GBE1: variants seen among roughly 807,000 people sequenced by gnomAD.
GBE1 encodes the protein 1,4-alpha-glucan branching enzyme 1, also known as 1,4-alpha-glucan-branching enzyme.
Under a neutral mutation model 88.8 loss-of-function variants are expected in GBE1, and 70 were observed. That is an observed-to-expected ratio of 0.79 (90% confidence interval 0.65 to 0.96). The LOEUF (loss-of-function observed/expected upper bound fraction) is 0.96, where lower values mean the gene tolerates loss of function less well. GBE1 is among the 40% of genes least tolerant of loss of function. The pLI is 0.00. For missense variants in GBE1, 872 were observed against 871.0 expected (o/e 1.00, Z -0.01); for synonymous variants, 284 against 300.1 (o/e 0.95, Z 0.56).
intron 14 of GBE1, among the ~76,000 whole-genome samples, chr3:81,512,292 C>T (rs1193314686): frequency 2.0e-5 from 3 of 151,828 alleles, no homozygotes; most frequent in African/African-American, 4.8e-5. Flanking sequence ...CAAAACTTCG[C>T]AACACACAAA....
At chr3:81,747,168 T>C (rs1706428980) in intron 1 of GBE1, among the ~76,000 whole-genome samples, 1 of 152,128 alleles carries the variant, frequency 6.6e-6, no homozygotes, top group African/African-American at 2.4e-5. Flanking sequence ...GTTCAGGTCC[T>C]AGAGCTAGGA....
At chr3:81,541,314 C>T (rs955693439) in intron 12 of GBE1, among the ~76,000 whole-genome samples, 12 of 151,612 alleles carry the variant, frequency 7.9e-5, no homozygotes, top group South Asian at 4.2e-4. Context: ...ACCCACCCCA[C>T]GATACAGCCT....
intron 2 of GBE1, 59 bp downstream of exon 2, chr3:81,705,385 A>G: frequency 1.7e-6 from 2 of 1,154,756 alleles, no homozygotes; most frequent in Admixed American, 3.3e-5. Context: ...TATAAGAAAT[A>G]TATGTATTAA....
chr3:81,571,383 G>C (rs1703572754), intron 12 of GBE1, among the ~76,000 whole-genome samples: 1 of 152,118 alleles, frequency 6.6e-6, no homozygotes, highest in Admixed American at 6.5e-5. Context: ...ATGTCATGGG[G>C]AATATGTTTT....
At chr3:81,655,370 T>C (rs1289821286) in intron 3 of GBE1, among the ~76,000 whole-genome samples, 1 of 152,050 alleles carries the variant, frequency 6.6e-6, no homozygotes, top group Non-Finnish European at 1.5e-5. Context: ...AAGTAATTTG[T>C]AGAAGAGGGT....
chr3:81,648,719 G>A (rs1704803077), intron 5 of GBE1, 137 bp downstream of exon 5: 4 of 465,798 alleles, frequency 8.6e-6, no homozygotes, highest in Non-Finnish European at 1.1e-5. Context: ...GGCAATTTGA[G>A]AAGCCTAAAA....
At chr3:81,674,410 A>T (rs1427366928) in intron 2 of GBE1, among the ~76,000 whole-genome samples, 1 of 151,960 alleles carries the variant, frequency 6.6e-6, no homozygotes. Context: ...AACATTAAAC[A>T]CTTAGCTAAG....
rs78920535 is a variant in GBE1 at position 81,608,325 on chromosome 3, C to T, written c.993-14302G>A. On this transcript the variant is annotated intron_variant, in intron 7 of 15. Coordinates refer to ENST00000429644, the MANE Select transcript of GBE1 (RefSeq NM_000158.4). ...GGGAGGCACCATCTAGTTAAATCCA[C>T]GGTGCTTCTTCCATTGAAAACCCTT... Among the ~76,000 whole-genome samples, 906 of 152,246 alleles carry T rather than the reference C, an allele frequency of 6.0e-3. 6 individuals are homozygous for T. Among genetic ancestry groups the T allele is most frequent in the African/African-American group, 0.017 (711 of 41,570 alleles).
intron 2 of GBE1, among the ~76,000 whole-genome samples, chr3:81,703,638 T>A (rs1705733116): frequency 6.6e-6 from 1 of 152,034 alleles, no homozygotes; most frequent in Admixed American, 6.6e-5. Flanking sequence ...GAACATACTT[T>A]TAAACTGAAA....
At chr3:81,606,392 A>G (rs1043089728) in intron 7 of GBE1, among the ~76,000 whole-genome samples, 1 of 152,246 alleles carries the variant, frequency 6.6e-6, no homozygotes, top group African/African-American at 2.4e-5. Flanking sequence ...TTGCAAATGT[A>G]CAGTGTATGG....
intron 2 of GBE1, among the ~76,000 whole-genome samples, chr3:81,677,917 C>G (rs1199053281): frequency 6.6e-6 from 1 of 152,144 alleles, no homozygotes; most frequent in East Asian, 1.9e-4. Flanking sequence ...CCACTAAATT[C>G]AGAACCAATG....
At chr3:81,732,483 C>T (rs1706202723) in intron 1 of GBE1, among the ~76,000 whole-genome samples, 1 of 152,098 alleles carries the variant, frequency 6.6e-6, no homozygotes, top group Non-Finnish European at 1.5e-5. Context: ...TAACCCGGGC[C>T]CAGGTCACTT....
chr3:81,734,924 G>A (rs1380665640), intron 1 of GBE1, among the ~76,000 whole-genome samples: 1 of 152,146 alleles, frequency 6.6e-6, no homozygotes, highest in African/African-American at 2.4e-5. Context: ...GTGTGTCATT[G>A]AGAATAGTGT....
At chr3:81,611,224 A>T (rs556753906) in intron 7 of GBE1, among the ~76,000 whole-genome samples, 1 of 152,314 alleles carries the variant, frequency 6.6e-6, no homozygotes, top group East Asian at 1.9e-4. Flanking sequence ...GATGTGGCGG[A>T]TGCATTCCTG....
chr3:81,646,516 G>A, intron 5 of GBE1, 34 bp from the exon 6 acceptor site: 3 of 1,181,564 alleles, frequency 2.5e-6, no homozygotes, highest in Non-Finnish European at 3.6e-6. Flanking sequence ...TAAATTAAAA[G>A]CCACATTTAA....
chr3:81,625,159 A>G (rs1488915760), intron 7 of GBE1, among the ~76,000 whole-genome samples: 1 of 152,056 alleles, frequency 6.6e-6, no homozygotes, highest in Non-Finnish European at 1.5e-5. Context: ...CACAGAAACC[A>G]AGAATAGAAT....
intron 2 of GBE1, 23 bp downstream of exon 2, chr3:81,705,421 G>A (rs755386303): frequency 1.3e-6 from 2 of 1,509,456 alleles, no homozygotes; most frequent in Admixed American, 4.5e-5. Flanking sequence ...TTACTATTTA[G>A]TTCAATGCTT....
At chr3:81,630,048 A>T (rs968919319) in intron 7 of GBE1, among the ~76,000 whole-genome samples, 1 of 152,044 alleles carries the variant, frequency 6.6e-6, no homozygotes, top group Admixed American at 6.6e-5. Context: ...ACATGAACTC[A>T]TCATTTTTTA....
chr3:81,696,505 T>C (rs1043568254), intron 2 of GBE1, among the ~76,000 whole-genome samples: 5 of 152,222 alleles, frequency 3.3e-5, no homozygotes, highest in Non-Finnish European at 5.9e-5. Flanking sequence ...TATGTTGTAC[T>C]CAGTCACACT....
Sources: allele counts gnomAD v4.1 joint callset (sites outside exome capture counted in the v4.1 genomes callset), GRCh38; gene constraint gnomAD v4.1.1; transcripts MANE v1.5; gene names NCBI Gene and HGNC (gene_info 2026-07-23, HGNC 2026-07-21).